Variants in MAML3 observed in about 807,000 individuals in gnomAD.
MAML3 encodes the protein mastermind like transcriptional coactivator 3.
MAML3 carries 27 observed loss-of-function variants against 101.9 expected under a neutral mutation model. The observed-to-expected ratio is 0.27, with a 90% CI of 0.20 to 0.37. MAML3 has a LOEUF of 0.37. MAML3 is among the 10% of genes least tolerant of loss of function. The pLI is 1.00. For missense variants in MAML3, 1,316 were observed against 1,444.9 expected, an observed-to-expected ratio of 0.91 and a Z score of 1.45; for synonymous variants, 501 against 555.9, an observed-to-expected ratio of 0.90 and a Z score of 1.39.
At chr4:140,147,688 T>C (rs756454429) in intron 1 of MAML3, among the ~76,000 whole-genome samples, 1 of 152,200 alleles carries the variant, frequency 6.6e-6, no homozygotes, top group African/African-American at 2.4e-5. Flanking sequence ...TGATGTCTGT[T>C]TGATTGATTT....
intron 2 of MAML3, among the ~76,000 whole-genome samples, chr4:139,752,750 A>T (rs2111042612): frequency 6.6e-6 from 1 of 152,304 alleles, no homozygotes; most frequent in South Asian, 2.1e-4. Context: ...CTAACACCTA[A>T]ATGATTTTAG....
chr4:140,091,946 C>T (rs1255458138), intron 1 of MAML3, among the ~76,000 whole-genome samples: 2 of 151,356 alleles, frequency 1.3e-5, no homozygotes, highest in East Asian at 3.9e-4. Flanking sequence ...TTATTTATTT[C>T]CTATCTATTT....
chr4:139,735,677 A>G lies in MAML3; in HGVS notation c.2080-5010T>C, dbSNP rs1728910200. 1.3e-5 allele frequency among the ~76,000 whole-genome samples: 2 copies of G among 152,230 alleles called. No individual in the cohort carries two copies. On this transcript the variant is annotated intron_variant, in intron 2 of 4. Transcript: ENST00000509479. This position sits in a 1 kb window ranked among gnomAD's most constrained non-coding sequence, Gnocchi z 5.8. Reference sequence around the variant, plus strand: ...ATGAAATTTAGGGTTTTATTGAAAAAGTCCCCTGGGGCCTAATTTAGCCTC... The same window carrying G: ...ATGAAATTTAGGGTTTTATTGAAAAGGTCCCCTGGGGCCTAATTTAGCCTC...
intron 1 of MAML3, among the ~76,000 whole-genome samples, chr4:140,070,750 A>G (rs1217672506): frequency 1.3e-5 from 2 of 152,234 alleles, no homozygotes; most frequent in Middle Eastern, 3.2e-3. Context: ...ACCTAAGGCA[A>G]CTTCTTCATA....
At chr4:139,903,925 G>C (rs142731397) in intron 1 of MAML3, among the ~76,000 whole-genome samples, 19 of 152,284 alleles carry the variant, frequency 1.2e-4, no homozygotes, top group African/African-American at 4.3e-4. Flanking sequence ...AAGGCAAAAG[G>C]GAACACTGTG....
intron 2 of MAML3, among the ~76,000 whole-genome samples, chr4:139,748,794 G>C (rs925959850): frequency 3.9e-5 from 6 of 152,132 alleles, no homozygotes; most frequent in African/African-American, 1.4e-4. Flanking sequence ...AGAAAGGCAG[G>C]GAAAAGTGAA....
intron 1 of MAML3, among the ~76,000 whole-genome samples, chr4:140,005,144 G>C (rs1385795912): frequency 1.3e-5 from 2 of 152,090 alleles, no homozygotes; most frequent in Non-Finnish European, 2.9e-5. Flanking sequence ...CCTTTGTCCT[G>C]GTTAGTTCAA....
chr4:139,837,122 C>CAA (rs34871581), intron 2 of MAML3, among the ~76,000 whole-genome samples: 10 of 84,422 alleles, frequency 1.2e-4, no homozygotes, highest in African/African-American at 3.3e-4. Flanking sequence ...AACTCTGTCT[C>CAA]AAAAAAAAAA....
chr4:140,096,803 G>C (rs969120841), intron 1 of MAML3, among the ~76,000 whole-genome samples: 1 of 152,124 alleles, frequency 6.6e-6, no homozygotes, highest in Non-Finnish European at 1.5e-5. Flanking sequence ...ACGATGATGA[G>C]CAAGATACCG....
intron 1 of MAML3, among the ~76,000 whole-genome samples, chr4:139,949,958 A>T (rs1733805429): frequency 6.6e-6 from 1 of 152,206 alleles, no homozygotes; most frequent in Non-Finnish European, 1.5e-5. Context: ...AGGTTTCCCA[A>T]AGAAGCAGCA....
chr4:140,016,951 T>C (rs768541622), intron 1 of MAML3, among the ~76,000 whole-genome samples: 1 of 152,150 alleles, frequency 6.6e-6, no homozygotes, highest in Non-Finnish European at 1.5e-5. Flanking sequence ...CAAGGAAAAT[T>C]TGGTAAGTTT....
At chr4:140,020,468 G>C (rs1011480325) in intron 1 of MAML3, among the ~76,000 whole-genome samples, 4 of 151,840 alleles carry the variant, frequency 2.6e-5, no homozygotes, top group Admixed American at 1.3e-4. Context: ...TCATATTGAG[G>C]CTATAAAGCA....
rs541433692 is a variant in MAML3, at chr4:139,951,631, G to A, written c.469-60664C>T. On this transcript the variant is annotated intron_variant, in intron 1 of 4. Coordinates refer to ENST00000509479, the MANE Select transcript of MAML3 (RefSeq NM_018717.5). ...CCTTGCAGCTGGCTCCTACCAAGAG[G>A]AGAGAGGAAAGGGTCAGCTGTGGCT... is the stretch of plus-strand genomic sequence containing the variant. 7.9e-5 allele frequency among the ~76,000 whole-genome samples: 12 copies of A among 152,318 alleles called. No individual in the cohort carries two copies. The East Asian group carries it at 1.2e-3, about 15-fold the overall frequency.
intron 1 of MAML3, among the ~76,000 whole-genome samples, chr4:139,934,312 C>G (rs556109648): frequency 1.3e-5 from 2 of 150,592 alleles, no homozygotes; most frequent in Non-Finnish European, 3.0e-5. Context: ...GGTGTGTGTG[C>G]GTGTGAGTGA....
intron 1 of MAML3, among the ~76,000 whole-genome samples, chr4:139,961,756 A>G (rs993066769): frequency 2.0e-5 from 3 of 152,292 alleles, no homozygotes; most frequent in East Asian, 1.9e-4. Context: ...TTTTCAATAA[A>G]CAGGAAGTAA....
chr4:139,812,841 G>C (rs1389569222), intron 2 of MAML3, among the ~76,000 whole-genome samples: 1 of 152,096 alleles, frequency 6.6e-6, no homozygotes, highest in Non-Finnish European at 1.5e-5. Flanking sequence ...TACAGGTAAA[G>C]ATTGCCACAC....
chr4:140,049,356 G>C (rs937204156), intron 1 of MAML3, among the ~76,000 whole-genome samples: 2 of 152,134 alleles, frequency 1.3e-5, no homozygotes, highest in Non-Finnish European at 2.9e-5. Flanking sequence ...CCAGCCTATG[G>C]GGGTCAGGAT....
At chr4:139,777,174 C>T (rs564471648) in intron 2 of MAML3, among the ~76,000 whole-genome samples, 10 of 152,280 alleles carry the variant, frequency 6.6e-5, no homozygotes, top group South Asian at 2.1e-4. Context: ...GAAGGAAGAA[C>T]TTATGGAAAG....
chr4:139,863,851 T>TTTTTTTTTTTTTTTTTTC (rs1731839537), intron 2 of MAML3, among the ~76,000 whole-genome samples: 1 of 97,326 alleles, frequency 1.0e-5, no homozygotes, highest in Admixed American at 9.5e-5. Flanking sequence ...TTTTTTTTTT[T>TTTTTTTTTTTTTTTTTTC]TTTTTGTACT....
Sources: gnomAD v4.1 joint callset for allele counts (sites outside exome capture counted in the v4.1 genomes callset) on GRCh38, gnomAD v4.1.1 for gene constraint, Gnocchi (gnomAD v3.1) non-coding constraint, MANE v1.5 for transcripts, NCBI Gene and HGNC (gene_info 2026-07-23, HGNC 2026-07-21) for gene names.